The following TTN variants were observed in gnomAD, a reference collection of about 807,000 sequenced individuals.
TTN encodes the protein titin.
Under a neutral mutation model 3,223.0 loss-of-function variants are expected in TTN, and 1,525 were observed. The ratio of observed to expected loss-of-function variants is 0.47; its 90% CI spans 0.45 to 0.49. The LOEUF is 0.49. Ranked by LOEUF, TTN falls within the 20% of genes least tolerant of loss-of-function variation. TTN has a pLI of 0.00. For missense variants in TTN, 40,786 were observed against 43,424.0 expected, an observed-to-expected ratio of 0.94 and a Z score of 5.40; for synonymous variants, 14,094 against 15,161.0, an observed-to-expected ratio of 0.93 and a Z score of 5.17.
In TTN at chr2:178,539,468, T is replaced by C; in HGVS notation, c.98597A>G (p.Tyr32866Cys). The change falls in exon 352 of 363, where the codon TAC (tyrosine) becomes TGC (cysteine). Residue 32866 changes from tyrosine (Y) to cysteine (C), a missense_variant. Tyr to Cys is a radical substitution (Grantham distance 194, BLOSUM62 -2). Transcript: ENST00000589042. ...VVKGLKENVE[Y>C]HFRVSAENQF... ...GTTTTCTGCTGAAACACGGAAATGGTATTCTACATTCTCTTTGAGGCCTTT... is the reference window on the plus strand; with the variant it reads ...GTTTTCTGCTGAAACACGGAAATGGCATTCTACATTCTCTTTGAGGCCTTT... 6.2e-7 allele frequency: 1 copy of C among 1,613,864 alleles called. No homozygotes were observed. The highest frequency in any genetic ancestry group is 8.5e-7 in the Non-Finnish European group (1 of 1,179,792).
chr2:178,696,417 ATT>A, intron 113 of TTN, 148 bp from the exon 114 acceptor site: 3 of 710,252 alleles, frequency 4.2e-6, no homozygotes, highest in Non-Finnish European at 6.5e-6. Flanking sequence ...TTCCATTTAA[ATT>A]TTTGACTATG....
chr2:178,739,134 A>C lies in TTN; in HGVS notation c.14092+7T>G. Reference sequence around the variant, plus strand: ...GCATTTGATCTATTTTATCCTTAAAATCCAACCTCTTTTTACTACAGTGAG... The same window carrying C: ...GCATTTGATCTATTTTATCCTTAAACTCCAACCTCTTTTTACTACAGTGAG... On this transcript the variant is annotated splice_region_variant and intron_variant, in intron 48 of 362. Coordinates refer to ENST00000589042, the MANE Select transcript of TTN (RefSeq NM_001267550.2). The C allele has an allele frequency of 6.6e-7, 1 of 1,504,012 alleles. No individual in the cohort carries two copies. Among genetic ancestry groups the C allele is most frequent in the East Asian group, 2.3e-5 (1 of 43,668 alleles). 93.2% of individuals were successfully genotyped at this position (1,504,012 alleles called of 1,614,324 possible).
At chr2:178,800,368 C>G in intron 4 of TTN, 27 bp downstream of exon 4, 1 of 1,614,032 alleles carries the variant, frequency 6.2e-7, no homozygotes, top group Non-Finnish European at 8.5e-7. Flanking sequence ...CTCCCCTTCT[C>G]TCTGTTCCTC....
chr2:178,804,453 A>G, intron 2 of TTN, 99 bp downstream of exon 2: 1 of 1,207,946 alleles, frequency 8.3e-7, no homozygotes, highest in Non-Finnish European at 1.2e-6. Context: ...TCCGAAGTGA[A>G]AGCAGGGCTT....
Position 178,551,245 on chromosome 2 carries a change from G to C in TTN, c.91286C>G (p.Pro30429Arg). 1 of 1,611,930 alleles carries C rather than the reference G, an allele frequency of 6.2e-7. No individual in the cohort carries two copies. Among genetic ancestry groups the C allele is most frequent in the Non-Finnish European group, 8.5e-7 (1 of 1,179,320 alleles). ...AVSPVDPPGTPDYIDVTRETI... is the reference protein window; with the variant it reads ...AVSPVDPPGTRDYIDVTRETI... The stretch of plus-strand genomic sequence containing the variant: ...TTCCCGGGTGACATCAATGTAGTCA[G>C]GAGTGCCAGGTGGGTCTAAAAAATT... The change falls in exon 336 of 363, where the codon CCT becomes CGT. Residue 30429 changes from proline to arginine, a missense_variant. Pro to Arg is a moderately radical substitution (Grantham distance 103, BLOSUM62 -2). Transcript: ENST00000589042.
Position 178,632,265 on chromosome 2 carries a change from T to C in TTN, c.43629A>G (p.Ser14543=), listed in dbSNP as rs1264350503. ...AATGAGTTTTCCCTTCGTCTTGCAT[T>C]GAGACCGACCTGGTGGTGTGTAGGC... ...DQRLHTTRSV[S]MQDEGKTHSI... is the part of the protein sequence containing the mutation. The change falls in exon 236 of 363, where the codon TCA becomes TCG. Residue 14543 remains serine (S), a synonymous_variant. Transcript: ENST00000589042. 6.2e-7 allele frequency: 1 copy of C among 1,609,514 alleles called. No homozygotes were observed. Among genetic ancestry groups the C allele is most frequent in the Non-Finnish European group, 8.5e-7 (1 of 1,177,742 alleles).
chr2:178,644,886 A>G, intron 217 of TTN: 1 of 344,470 alleles, frequency 2.9e-6, no homozygotes, highest in Non-Finnish European at 5.2e-6. Context: ...TCCTTTAAGC[A>G]TATATTTTAC....
intron 281 of TTN, 137 bp from the exon 282 acceptor site, chr2:178,604,442 G>A: frequency 1.3e-6 from 1 of 776,134 alleles, no homozygotes. Context: ...TGGGAAGACA[G>A]AGAAAAGGAG....
chr2:178,600,501 T>C (rs890814294), intron 288 of TTN: 3 of 219,908 alleles, frequency 1.4e-5, no homozygotes, highest in African/African-American at 2.2e-5. Flanking sequence ...ATTGTGAAGA[T>C]AAATGGGTCT....
chr2:178,663,855 C>G lies in TTN; in HGVS notation c.36412G>C (p.Ala12138Pro), dbSNP rs759730570. 1 of 1,613,328 alleles carries G rather than the reference C, an allele frequency of 6.2e-7. No individual in the cohort carries two copies. Among genetic ancestry groups the G allele is most frequent in the Admixed American group, 1.7e-5 (1 of 59,990 alleles). ...GGGACTTCAGGCTCTTTAGGAGGAG[C>G]CAAGGGCACTTTCTCTTCGCGGATA... Reference protein sequence around the residue: ...EVIREEKVPLAPPKEPEVPPV... With the variant: ...EVIREEKVPLPPPKEPEVPPV... The change falls in exon 170 of 363, where the codon GCT becomes CCT. Residue 12138 changes from alanine (A) to proline (P), a missense_variant. Transcript: ENST00000589042.
In TTN at chr2:178,578,803, T is replaced by C. The variant is rs1006017098; in HGVS notation, c.68224+3A>G. 4.2e-5 allele frequency: 67 copies of C among 1,609,632 alleles called. No homozygotes were observed. The highest frequency in any genetic ancestry group is 5.5e-5 in the Non-Finnish European group (65 of 1,177,708). On this transcript the variant is annotated splice_donor_region_variant and intron_variant, in intron 320 of 362. Coordinates refer to ENST00000589042, the MANE Select transcript of TTN (RefSeq NM_001267550.2). The stretch of plus-strand genomic sequence containing the variant: ...TTACGTCTTCTGAATTTAAGACACT[T>C]ACCAAATGGATGTCTCGCAACAATT...
rs746229057 is a variant in TTN at position 178,598,075 on chromosome 2, G to A, written c.57112-17C>T. 5.6e-6 allele frequency: 9 copies of A among 1,606,278 alleles called. No individual in the cohort carries two copies. In the Admixed American group the frequency reaches 1.4e-4, roughly 24 times the overall value. ...ATCTTTACCCTGGGGAGAAATCATA[G>A]ACATTTTATAATTAGAATAGTTCTT... On this transcript the variant is annotated splice_polypyrimidine_tract_variant and intron_variant, in intron 292 of 362. Transcript: ENST00000589042.
chr2:178,767,877 G>A lies in TTN; in HGVS notation c.9353C>T (p.Ser3118Phe), dbSNP rs879133990. ...EKYVHRLLIP[S>F]TRMSDAGKYT... Reference sequence around the variant, plus strand: ...CTTCCCAGCATCAGACATCCGGGTGGATGGGATCAGAAGGCGGTGGACATA... The same window carrying A: ...CTTCCCAGCATCAGACATCCGGGTGAATGGGATCAGAAGGCGGTGGACATA... Residue 3118 changes from serine to phenylalanine, a missense_variant, in exon 40 of 363, where the codon TCC (serine) becomes TTC (phenylalanine). Coordinates refer to ENST00000589042, the MANE Select transcript of TTN (RefSeq NM_001267550.2). 3 of 1,613,996 alleles carry A rather than the reference G, an allele frequency of 1.9e-6. No individual in the cohort carries two copies. The highest frequency in any genetic ancestry group is 1.3e-5 in the African/African-American group (1 of 74,918).
intron 112 of TTN, 68 bp from the exon 113 acceptor site, chr2:178,697,236 C>T (rs1231659836): frequency 7.8e-7 from 1 of 1,277,804 alleles, no homozygotes; most frequent in East Asian, 2.6e-5. Flanking sequence ...GTTTACTAAT[C>T]CTCCACATCA....
chr2:178,747,283 A>G (rs1431073867), intron 47 of TTN: 1 of 1,613,278 alleles, frequency 6.2e-7, no homozygotes, highest in Non-Finnish European at 8.5e-7. Flanking sequence ...AAGGTGTTGA[A>G]TATCTTTCAG....
Position 178,571,416 on chromosome 2 carries a change from A to G in TTN, c.74716T>C (p.Phe24906Leu). The G allele has an allele frequency of 6.2e-7, 1 of 1,613,400 alleles. No individual in the cohort carries two copies. ...NSEPTVAQYP[F>L]KVPGPPGTPV... ...GTGCCAGGAGGACCAGGAACTTTGA[A>G]TGGATATTGGGCTACAGTAGGCTCT... Residue 24906 changes from phenylalanine to leucine, a missense_variant, in exon 326 of 363, where the codon TTC becomes CTC. Transcript: ENST00000589042.
In TTN at chr2:178,591,903, A is replaced by T. The variant is rs555554134; in HGVS notation, c.59927-11T>A. On this transcript the variant is annotated splice_polypyrimidine_tract_variant and intron_variant, in intron 302 of 362. Transcript: ENST00000589042. ...GTGGCCCTGGGGGATCTTTTCAAAG[A>T]AGAAGTTATGATGAAAAAGTAATAT... The T allele has an allele frequency of 4.2e-5, 68 of 1,605,592 alleles. No homozygotes were observed. The highest frequency in any genetic ancestry group is 3.3e-4 in the Admixed American group (19 of 57,664).
At position 178,697,188 on chromosome 2, in the gene TTN, A is replaced by C; in HGVS notation, c.30755-20T>G. ...CAATCTCTGGGAGTTTAAAAACATA[A>C]AAATGTGTGTTTATTTTTAGATTAC... On this transcript the variant is annotated intron_variant, in intron 112 of 362. Transcript: ENST00000589042. The C allele has an allele frequency of 6.6e-7, 1 of 1,504,322 alleles. No individual in the cohort carries two copies. 93.2% of individuals were successfully genotyped at this position (1,504,322 alleles called of 1,614,324 possible).
chr2:178,759,189 A>C lies in TTN; in HGVS notation c.10115-17T>G, dbSNP rs932815761. ...CTTTTAGATCTGCGACACAAAAGAAAAGAGATACTTCAACCACAAAAATGA... is the reference window on the plus strand; with the variant it reads ...CTTTTAGATCTGCGACACAAAAGAACAGAGATACTTCAACCACAAAAATGA... On this transcript the variant is annotated splice_polypyrimidine_tract_variant and intron_variant, in intron 43 of 362. Coordinates refer to ENST00000589042, the MANE Select transcript of TTN (RefSeq NM_001267550.2). The C allele has an allele frequency of 5.0e-6, 8 of 1,613,678 alleles. No individual in the cohort carries two copies. In the African/African-American group the frequency reaches 1.1e-4, roughly 22 times the overall value.
Sources: gnomAD v4.1 joint callset for allele counts on GRCh38, gnomAD v4.1.1 for gene constraint, MANE v1.5 for transcripts, NCBI Gene and HGNC (gene_info 2026-07-23, HGNC 2026-07-21) for gene names.